Variants in XYLT1 observed in about 807,000 individuals in gnomAD.
XYLT1 encodes the protein xylosyltransferase 1, also known as beta-D-xylosyltransferase 1.
In XYLT1, 36 loss-of-function variants were observed where a neutral mutation model predicts 91.3. The observed-to-expected ratio is 0.39, with a 90% CI of 0.30 to 0.52. The LOEUF (loss-of-function observed/expected upper bound fraction) is 0.52, where lower values mean the gene tolerates loss of function less well. XYLT1 is among the 20% of genes least tolerant of loss of function. The pLI, the probability that XYLT1 is intolerant of heterozygous loss-of-function variation, is 0.68. For synonymous variants in XYLT1, 588 were observed against 532.0 expected (o/e 1.11, Z -1.45); for missense variants, 1,242 against 1,284.5 (o/e 0.97, Z 0.51).
intron 3 of XYLT1, among the ~76,000 whole-genome samples, chr16:17,256,994 C>G (rs112342790): frequency 2.6e-4 from 40 of 152,234 alleles, no homozygotes; most frequent in African/African-American, 8.9e-4. Flanking sequence ...TCTGACATGC[C>G]CCCAACCCCA....
At chr16:17,407,228 G>A (rs2036045006) in intron 1 of XYLT1, among the ~76,000 whole-genome samples, 1 of 152,178 alleles carries the variant, frequency 6.6e-6, no homozygotes, top group African/African-American at 2.4e-5. Flanking sequence ...TGAACTCCTG[G>A]CCTCAGGTGA....
chr16:17,171,790 C>A (rs546450598), intron 5 of XYLT1, among the ~76,000 whole-genome samples: 2 of 152,244 alleles, frequency 1.3e-5, no homozygotes, highest in Non-Finnish European at 2.9e-5. Flanking sequence ...ACTGAGGACT[C>A]ACTTCCACCC....
intron 1 of XYLT1, among the ~76,000 whole-genome samples, chr16:17,451,416 T>C (rs1437785367): frequency 6.6e-6 from 1 of 152,134 alleles, no homozygotes; most frequent in African/African-American, 2.4e-5. Flanking sequence ...CAGATGACCC[T>C]CCCCTTCTCC....
chr16:17,131,294 T>A (rs537077099), intron 9 of XYLT1, among the ~76,000 whole-genome samples: 1 of 152,360 alleles, frequency 6.6e-6, no homozygotes, highest in South Asian at 2.1e-4. Context: ...AAACTGTTAA[T>A]GTCTCAAAAC....
intron 3 of XYLT1, among the ~76,000 whole-genome samples, chr16:17,221,799 T>C (rs1363788830): frequency 6.6e-6 from 1 of 152,156 alleles, no homozygotes; most frequent in East Asian, 1.9e-4. Context: ...TGACAGTTCC[T>C]TTGTGCTTTA....
intron 3 of XYLT1, among the ~76,000 whole-genome samples, chr16:17,201,970 T>C (rs1027621399): frequency 6.6e-6 from 1 of 152,220 alleles, no homozygotes; most frequent in African/African-American, 2.4e-5. Context: ...ATCTATCATG[T>C]TCTTTTAAAT....
intron 2 of XYLT1, among the ~76,000 whole-genome samples, chr16:17,294,224 G>C (rs1438953495): frequency 6.6e-6 from 1 of 152,122 alleles, no homozygotes; most frequent in African/African-American, 2.4e-5. Context: ...GGAAGGGAAA[G>C]GGAGGTTTCT....
chr16:17,261,201 C>T (rs1423471857), intron 2 of XYLT1, among the ~76,000 whole-genome samples: 3 of 144,688 alleles, frequency 2.1e-5, no homozygotes, highest in African/African-American at 5.2e-5. Context: ...TGAGATTGCA[C>T]CAATGTATTC....
chr16:17,350,445 A>T (rs1436601284), intron 2 of XYLT1, among the ~76,000 whole-genome samples: 1 of 152,226 alleles, frequency 6.6e-6, no homozygotes, highest in Non-Finnish European at 1.5e-5. Context: ...CTCCAAGTCC[A>T]GACTCCCTGT....
At chr16:17,354,865 G>A (rs774585020) in intron 2 of XYLT1, 1 of 152,230 alleles carries the variant, frequency 6.6e-6, no homozygotes, top group Non-Finnish European at 1.5e-5. Context: ...ACAATGGGCT[G>A]AGGCCAGCAC....
chr16:17,321,251 C>A (rs1474769111), intron 2 of XYLT1, among the ~76,000 whole-genome samples: 1 of 150,278 alleles, frequency 6.7e-6, no homozygotes, highest in Non-Finnish European at 1.5e-5. Flanking sequence ...AAGGATCTCA[C>A]AACTGCCCAC....
intron 2 of XYLT1, among the ~76,000 whole-genome samples, chr16:17,304,158 C>T (rs1442578758): frequency 1.3e-5 from 2 of 151,898 alleles, no homozygotes; most frequent in African/African-American, 2.4e-5. Flanking sequence ...TAATAACCAT[C>T]GTGGTGAAGG....
intron 1 of XYLT1, among the ~76,000 whole-genome samples, chr16:17,375,424 C>T (rs1014969243): frequency 2.9e-5 from 4 of 139,476 alleles, no homozygotes; most frequent in African/African-American, 8.0e-5. Flanking sequence ...AAAACCCTGT[C>T]GCAATGCAAA....
intron 2 of XYLT1, among the ~76,000 whole-genome samples, chr16:17,301,495 A>T (rs1217026476): frequency 2.0e-5 from 3 of 152,276 alleles, no homozygotes; most frequent in East Asian, 1.9e-4. Flanking sequence ...TTCCCACAGT[A>T]TTTAATTTCT....
At chr16:17,205,989 A>G (rs552664833) in intron 3 of XYLT1, among the ~76,000 whole-genome samples, 35 of 152,250 alleles carry the variant, frequency 2.3e-4, no homozygotes, top group African/African-American at 8.4e-4. Context: ...TGGGTTAGGA[A>G]GCTCCCAGCT....
intron 2 of XYLT1, among the ~76,000 whole-genome samples, chr16:17,352,122 C>G (rs977779635): frequency 6.6e-6 from 1 of 152,136 alleles, no homozygotes; most frequent in East Asian, 1.9e-4. Flanking sequence ...GAGCAAGACT[C>G]TCTCAAAAAG....
At position 17,312,703 on chromosome 16, in the gene XYLT1, A is replaced by G. The variant is rs1157180535; in HGVS notation, c.402+45309T>C. On this transcript the variant is annotated intron_variant, in intron 2 of 11. Transcript: ENST00000261381. This position sits in a 1 kb window ranked among gnomAD's most constrained non-coding sequence, Gnocchi z 4.4. Reference sequence around the variant, plus strand: ...ATTCTATTTACTGTTTAATCTTCACAGCAATCCTATTATCCCATTTTGCAG... The same window carrying G: ...ATTCTATTTACTGTTTAATCTTCACGGCAATCCTATTATCCCATTTTGCAG... Among the ~76,000 whole-genome samples the G allele has an allele frequency of 6.6e-6, 1 of 152,230 alleles. No homozygotes were observed. Among genetic ancestry groups the G allele is most frequent in the Non-Finnish European group, 1.5e-5 (1 of 68,042 alleles).
Position 17,198,361 on chromosome 16 carries a change from A to G in XYLT1, c.1140T>C (p.Asn380=), listed in dbSNP as rs1041058225. 4 of 1,614,064 alleles carry G rather than the reference A, an allele frequency of 2.5e-6. No individual in the cohort carries two copies. Among genetic ancestry groups the G allele is most frequent in the Non-Finnish European group, 8.5e-7 (1 of 1,180,026 alleles). ...QVLQVSRQYS[N]VRVTPWRMAT... The stretch of plus-strand genomic sequence containing the variant: ...CCATTCTCCAGGGGGTGACGCGGAC[A>G]TTGCTGTACTGCCTGGAGACCTGGA... Residue 380 remains asparagine (N), a synonymous_variant, in exon 5 of 12, where the codon AAT becomes AAC. Transcript: ENST00000261381.
At chr16:17,297,443 T>C (rs1001580121) in intron 2 of XYLT1, among the ~76,000 whole-genome samples, 13 of 151,554 alleles carry the variant, frequency 8.6e-5, no homozygotes, top group Admixed American at 8.6e-4. Flanking sequence ...TAGCTGGGTA[T>C]CATGGAGAAC....
Sources: allele counts gnomAD v4.1 joint callset (sites outside exome capture counted in the v4.1 genomes callset), GRCh38; gene constraint gnomAD v4.1.1; non-coding constraint Gnocchi (gnomAD v3.1); transcripts MANE v1.5; gene names NCBI Gene and HGNC (gene_info 2026-07-23, HGNC 2026-07-21).